TOX: variants seen among roughly 807,000 people sequenced by gnomAD.
TOX encodes the protein thymocyte selection-associated high mobility group box protein TOX.
Under a neutral mutation model 53.7 loss-of-function variants are expected in TOX, and 11 were observed. That is an observed-to-expected ratio of 0.20 (90% CI 0.13 to 0.34). The LOEUF (loss-of-function observed/expected upper bound fraction) is 0.34. Among genes scored for constraint, TOX ranks in the 10% least tolerant of loss-of-function variants. The probability of loss-of-function intolerance (pLI) is 1.00; values close to 1 mark genes in which losing one functional copy is unlikely to be tolerated. For synonymous variants in TOX, 225 were observed against 245.3 expected (o/e 0.92, Z 0.77); for missense variants, 570 against 664.6 (o/e 0.86, Z 1.56).
intron 2 of TOX, 119 bp downstream of exon 2, chr8:58,959,824 A>G: frequency 9.0e-7 from 1 of 1,115,874 alleles, no homozygotes; most frequent in Non-Finnish European, 1.3e-6. Context: ...TGCTTTGTTT[A>G]TAAATTATGA....
intron 4 of TOX, among the ~76,000 whole-genome samples, chr8:58,849,043 A>C (rs1373387226): frequency 6.6e-6 from 1 of 152,142 alleles, no homozygotes; most frequent in Non-Finnish European, 1.5e-5. Context: ...AATCCTACTC[A>C]CATATAAAGG....
At chr8:58,970,025 A>G (rs1563404622) in intron 1 of TOX, among the ~76,000 whole-genome samples, 2 of 152,220 alleles carry the variant, frequency 1.3e-5, no homozygotes, top group South Asian at 4.1e-4. Context: ...ATACATTAAA[A>G]TTAAATGATC....
At chr8:58,924,543 T>C (rs1812122720) in intron 3 of TOX, among the ~76,000 whole-genome samples, 1 of 152,250 alleles carries the variant, frequency 6.6e-6, no homozygotes, top group Non-Finnish European at 1.5e-5. Flanking sequence ...TCTTCATAAC[T>C]TAGACCAAGA....
Position 58,807,770 on chromosome 8 carries a change from C to G in TOX, c.1558G>C (p.Asp520His). 1.2e-6 allele frequency: 2 copies of G among 1,614,106 alleles called. No homozygotes were observed. The highest frequency in any genetic ancestry group is 1.1e-5 in the South Asian group (1 of 91,078). Residue 520 changes from aspartate to histidine, a missense_variant, in exon 9 of 9, where the codon GAC (aspartate) becomes CAC (histidine). Asp to His is a moderately conservative substitution (Grantham distance 81). Coordinates refer to ENST00000361421, the MANE Select transcript of TOX (RefSeq NM_014729.3). Reference sequence around the variant, plus strand: ...TCTCAAGTAAGGTACAGTGCTTTGTCCCTCTGCATGCCCCTGTAGGAAGAG... The same window carrying G: ...TCTCAAGTAAGGTACAGTGCTTTGTGCCTCTGCATGCCCCTGTAGGAAGAG... The part of the protein sequence containing the change: ...DYCSSGGMQR[D>H]KALYLT
intron 1 of TOX, among the ~76,000 whole-genome samples, chr8:58,985,253 CT>C (rs1008941436): frequency 2.6e-5 from 4 of 151,942 alleles, no homozygotes. Context: ...TATCCAACAA[CT>C]GATGAGTGGA....
intron 1 of TOX, among the ~76,000 whole-genome samples, chr8:58,994,619 T>A (rs1211085345): frequency 6.6e-6 from 1 of 152,188 alleles, no homozygotes; most frequent in Non-Finnish European, 1.5e-5. Flanking sequence ...GATAACAGGA[T>A]ACATATAAAG....
At chr8:58,954,596 A>G (rs1032102170) in intron 2 of TOX, among the ~76,000 whole-genome samples, 1 of 152,190 alleles carries the variant, frequency 6.6e-6, no homozygotes, top group African/African-American at 2.4e-5. Flanking sequence ...CCTTGTAGAC[A>G]ATGGTGAGGC....
chr8:59,033,130 C>G (rs1024808575), intron 1 of TOX, among the ~76,000 whole-genome samples: 1 of 152,126 alleles, frequency 6.6e-6, no homozygotes, highest in African/African-American at 2.4e-5. Flanking sequence ...TCTTAAGAAG[C>G]CTCTCCTCGT....
chr8:58,912,779 T>A (rs115328815), intron 3 of TOX, among the ~76,000 whole-genome samples: 1,604 of 152,250 alleles, frequency 0.011, 34 homozygotes, highest in African/African-American at 0.036. Flanking sequence ...CAAGATCTTA[T>A]CTGTAACAAA....
intron 2 of TOX, among the ~76,000 whole-genome samples, chr8:58,948,970 A>G (rs1812572947): frequency 6.6e-6 from 1 of 152,194 alleles, no homozygotes; most frequent in Non-Finnish European, 1.5e-5. Context: ...TTCCATAACA[A>G]AAGTCAGATA....
At chr8:59,030,665 A>G (rs1814337319) in intron 1 of TOX, among the ~76,000 whole-genome samples, 1 of 152,178 alleles carries the variant, frequency 6.6e-6, no homozygotes, top group Non-Finnish European at 1.5e-5. Context: ...CATCTAGGTT[A>G]CTGAGGCTAC....
At chr8:58,831,416 G>A (rs1045517247) in intron 5 of TOX, among the ~76,000 whole-genome samples, 3 of 152,012 alleles carry the variant, frequency 2.0e-5, no homozygotes, top group Non-Finnish European at 2.9e-5. Flanking sequence ...TGCATTTTGC[G>A]GATCATGCAC....
At chr8:58,876,739 T>TA (rs930575025) in intron 3 of TOX, among the ~76,000 whole-genome samples, 4 of 152,160 alleles carry the variant, frequency 2.6e-5, no homozygotes, top group Non-Finnish European at 4.4e-5. Context: ...AAGGCTAGAA[T>TA]AAAAAACTTC....
At chr8:58,871,473 T>C (rs1811197523) in intron 3 of TOX, among the ~76,000 whole-genome samples, 1 of 152,138 alleles carries the variant, frequency 6.6e-6, no homozygotes, top group Non-Finnish European at 1.5e-5. Context: ...AGAAGCTTAA[T>C]GTATTGCAAA....
intron 3 of TOX, among the ~76,000 whole-genome samples, chr8:58,891,528 G>A (rs1811561397): frequency 6.6e-6 from 1 of 152,154 alleles, no homozygotes; most frequent in Non-Finnish European, 1.5e-5. Flanking sequence ...AGGGTGAACA[G>A]TGGTGGTATG....
At chr8:58,943,627 AAAAC>A (rs1279662988) in intron 2 of TOX, among the ~76,000 whole-genome samples, 72 of 151,660 alleles carry the variant, frequency 4.7e-4, no homozygotes, top group Admixed American at 2.8e-3. Flanking sequence ...AAAAAAAAAA[AAAAC>A]AAACAAATTA....
intron 1 of TOX, among the ~76,000 whole-genome samples, chr8:58,965,908 T>TTG (rs1585929375): frequency 6.9e-6 from 1 of 145,662 alleles, no homozygotes; most frequent in Middle Eastern, 3.5e-3. Flanking sequence ...TTTTTTTTTT[T>TTG]TTTTTTTTTT....
In TOX at chr8:59,044,230, C is replaced by CAA. The variant is rs78904701; in HGVS notation, c.102+74654_102+74655dup. Among the ~76,000 whole-genome samples, 24 of 114,096 alleles carry CAA rather than the reference C, an allele frequency of 2.1e-4. 1 individual carries two copies. Among genetic ancestry groups the CAA allele is most frequent in the African/African-American group, 6.3e-4 (19 of 30,044 alleles). 74.9% of individuals were successfully genotyped at this position (114,096 alleles called of 152,430 possible). A position where few individuals can be genotyped will look rare whatever the true frequency, so the allele number is the denominator to read the frequency against. ...CCATTTTCCCTTTCATGGCACTCAT[C>CAA]AAAAAAAAAAAAAAAAGGTGGACGA... On this transcript the variant is annotated intron_variant, in intron 1 of 8. Transcript: ENST00000361421.
At chr8:59,078,054 A>G (rs1424849320) in intron 1 of TOX, among the ~76,000 whole-genome samples, 1 of 152,218 alleles carries the variant, frequency 6.6e-6, no homozygotes, top group Non-Finnish European at 1.5e-5. Context: ...CCATACAAAC[A>G]GCTACATTAA....
Sources: allele counts gnomAD v4.1 joint callset (sites outside exome capture counted in the v4.1 genomes callset), GRCh38; gene constraint gnomAD v4.1.1; transcripts MANE v1.5; gene names NCBI Gene and HGNC (gene_info 2026-07-23, HGNC 2026-07-21).